Variants in SPATA31H1 observed in about 807,000 individuals in gnomAD.
SPATA31H1 encodes the protein SPATA31 subfamily H member 1, also known as spermatogenesis-associated protein 31H1.
the SPATA31H1 span, among the ~76,000 whole-genome samples, chr2:27,560,904 T>G: frequency 6.6e-6 from 1 of 152,218 alleles, no homozygotes; most frequent in African/African-American, 2.4e-5. Flanking sequence ...TCTGTGGTTA[T>G]GACTTCTCAG....
chr2:27,573,453 A>C, the SPATA31H1 span: 6 of 398,424 alleles, frequency 1.5e-5, 1 homozygote, highest in Non-Finnish European at 2.7e-5. Context: ...AGTACAATTA[A>C]GAAATGTGAA....
the SPATA31H1 span, chr2:27,579,938 A>G: frequency 0.21 from 338,492 of 1,613,934 alleles, 37,828 homozygotes; most frequent in East Asian, 0.33. Context: ...CTATCTGCCT[A>G]CAGTGTGGCC....
At chr2:27,554,746 G>A in the SPATA31H1 span, among the ~76,000 whole-genome samples, 1 of 152,032 alleles carries the variant, frequency 6.6e-6, no homozygotes, top group Non-Finnish European at 1.5e-5. Flanking sequence ...GCTAATTTTT[G>A]TATTTTTAGT....
At chr2:27,560,567 C>G in the SPATA31H1 span, among the ~76,000 whole-genome samples, 2 of 151,782 alleles carry the variant, frequency 1.3e-5, no homozygotes, top group African/African-American at 4.8e-5. Flanking sequence ...ACGCCATTCT[C>G]CTGCCTCAGC....
chr2:27,544,642 C>G, the SPATA31H1 span, among the ~76,000 whole-genome samples: 1 of 149,632 alleles, frequency 6.7e-6, no homozygotes, highest in South Asian at 2.1e-4. Flanking sequence ...TCAAGCGATT[C>G]TCTTGGCTCA....
chr2:27,563,385 CTTTT>C, the SPATA31H1 span, among the ~76,000 whole-genome samples: 164 of 68,706 alleles, frequency 2.4e-3, no homozygotes, highest in African/African-American at 8.4e-3. Flanking sequence ...TCTTCTACTT[CTTTT>C]TTTTTTTTTT....
the SPATA31H1 span, among the ~76,000 whole-genome samples, chr2:27,539,653 T>C: frequency 1.0e-5 from 1 of 98,708 alleles, no homozygotes; most frequent in Non-Finnish European, 2.0e-5. Flanking sequence ...GACGGGGCCG[T>C]GGCCGGGCAG....
the SPATA31H1 span, chr2:27,578,467 T>A: frequency 3.1e-6 from 5 of 1,614,110 alleles, no homozygotes; most frequent in Non-Finnish European, 4.2e-6. Context: ...ATAAATTGTG[T>A]GGATTTACTT....
At chr2:27,562,558 GAC>G in the SPATA31H1 span, among the ~76,000 whole-genome samples, 9 of 146,108 alleles carry the variant, frequency 6.2e-5, no homozygotes, top group East Asian at 1.6e-3. Flanking sequence ...TCTATATACA[GAC>G]ACACACACAC....
At chr2:27,574,542 C>G in the SPATA31H1 span, 1 of 398,460 alleles carries the variant, frequency 2.5e-6, no homozygotes, top group Non-Finnish European at 4.4e-6. Flanking sequence ...ACAACACTTT[C>G]AAGGTATAAA....
At chr2:27,552,274 T>G in the SPATA31H1 span, among the ~76,000 whole-genome samples, 1 of 152,058 alleles carries the variant, frequency 6.6e-6, no homozygotes, top group African/African-American at 2.4e-5. Flanking sequence ...AATTAGATGG[T>G]GTGAATTAAG....
chr2:27,557,957 A>T, the SPATA31H1 span, among the ~76,000 whole-genome samples: 1 of 954 alleles, frequency 1.0e-3, no homozygotes, highest in Admixed American at 7.4e-3. Context: ...CTGGCCAGGC[A>T]GAGGGGCTCC....
chr2:27,545,867 T>G, the SPATA31H1 span, among the ~76,000 whole-genome samples: 1 of 151,952 alleles, frequency 6.6e-6, no homozygotes, highest in East Asian at 1.9e-4. Flanking sequence ...CCAGTTCATC[T>G]TTTTCATTTT....
At chr2:27,546,513 G>A in the SPATA31H1 span, among the ~76,000 whole-genome samples, 2 of 151,952 alleles carry the variant, frequency 1.3e-5, no homozygotes, top group African/African-American at 4.8e-5. Context: ...CTTAATAATC[G>A]AGATATTTAA....
At chr2:27,545,049 A>C in the SPATA31H1 span, among the ~76,000 whole-genome samples, 1 of 149,718 alleles carries the variant, frequency 6.7e-6, no homozygotes, top group Admixed American at 6.6e-5. Flanking sequence ...TTGAGACAGA[A>C]TCTTACTCTG....
the SPATA31H1 span, among the ~76,000 whole-genome samples, chr2:27,550,715 G>A: frequency 2.6e-5 from 4 of 151,664 alleles, 1 homozygote; most frequent in East Asian, 1.9e-4. Context: ...CACTGCGCCT[G>A]GCTGGGTGAT....
the SPATA31H1 span, chr2:27,577,753 G>A: frequency 1.2e-6 from 2 of 1,613,940 alleles, no homozygotes; most frequent in East Asian, 2.2e-5. This position sits in a 1 kb window ranked among gnomAD's most constrained non-coding sequence, Gnocchi z 4.5. Context: ...ATAATATCAG[G>A]GTTAGGACAT....
the SPATA31H1 span, chr2:27,580,902 G>A: frequency 6.8e-6 from 11 of 1,614,092 alleles, no homozygotes; most frequent in Middle Eastern, 1.6e-4. Flanking sequence ...GCCAAGAAGA[G>A]CTTACTCTTT....
chr2:27,546,013 T>G, the SPATA31H1 span, among the ~76,000 whole-genome samples: 3 of 152,086 alleles, frequency 2.0e-5, no homozygotes, highest in African/African-American at 7.3e-5. Flanking sequence ...TGTTCAAGTC[T>G]TTTGCATATT....
Sources: gnomAD v4.1 joint callset for allele counts (sites outside exome capture counted in the v4.1 genomes callset) on GRCh38, gnomAD v4.1.1 for gene constraint, Gnocchi (gnomAD v3.1) non-coding constraint, MANE v1.5 for transcripts, NCBI Gene and HGNC (gene_info 2026-07-23, HGNC 2026-07-21) for gene names.